The following PTPRK variants were observed in gnomAD, a reference collection of about 807,000 sequenced individuals.
PTPRK encodes protein tyrosine phosphatase receptor type K.
PTPRK carries 75 observed loss-of-function variants against 178.0 expected under a neutral mutation model. The ratio of observed to expected loss-of-function variants is 0.42; its 90% CI spans 0.35 to 0.51. PTPRK has a LOEUF of 0.51. Among genes scored for constraint, PTPRK ranks in the 20% least tolerant of loss-of-function variants. The probability of loss-of-function intolerance (pLI) is 0.02; values close to 1 mark genes in which losing one functional copy is unlikely to be tolerated. For missense variants in PTPRK, 1,441 were observed against 1,797.8 expected, an observed-to-expected ratio of 0.80 and a Z score of 3.59; for synonymous variants, 637 against 620.6, an observed-to-expected ratio of 1.03 and a Z score of -0.39.
rs200132117 is a variant in PTPRK at position 128,148,783 on chromosome 6, T to TA, written c.1162+35648dup. ...TTTTAGAGTTATCAAAATACAAAAA[T>TA]AAAAAAAATTTCTGCTTAAAAATGA... On this transcript the variant is annotated intron_variant, in intron 7 of 29. Transcript: ENST00000368226. 3.5e-3 allele frequency among the ~76,000 whole-genome samples: 534 copies of TA among 152,104 alleles called. 4 individuals are homozygous for TA. The highest frequency in any genetic ancestry group is 0.012 in the African/African-American group (508 of 41,536).
intron 6 of PTPRK, among the ~76,000 whole-genome samples, chr6:128,211,541 A>AT (rs1479288793): frequency 2.6e-5 from 4 of 152,058 alleles, no homozygotes; most frequent in Admixed American, 6.6e-5. Flanking sequence ...ATAATTACAT[A>AT]TTATTATTTG....
chr6:128,398,281 C>G (rs1376985010), intron 1 of PTPRK, among the ~76,000 whole-genome samples: 1 of 152,142 alleles, frequency 6.6e-6, no homozygotes, highest in Admixed American at 6.5e-5. Context: ...CTTTCTGCAA[C>G]CAATCAGAGG....
chr6:128,397,607 C>G lies in PTPRK; in HGVS notation c.182G>C (p.Ser61Thr), dbSNP rs1170785121. The G allele has an allele frequency of 6.2e-7, 1 of 1,613,908 alleles. No individual in the cohort carries two copies. Among genetic ancestry groups the G allele is most frequent in the Non-Finnish European group, 8.5e-7 (1 of 1,179,910 alleles). ...LYDDFEWVHV[S>T]AQEPHYLPPE... ...TGGTAGATAATGAGGCTCTTGAGCA[C>G]TAACATGCACCCATTCAAAGTCATC... Residue 61 changes from serine (S) to threonine (T), a missense_variant, in exon 2 of 30, where the codon AGT becomes ACT. By Grantham distance (58) the Ser-to-Thr change is moderately conservative. Coordinates refer to ENST00000368226, the MANE Select transcript of PTPRK (RefSeq NM_002844.4).
At chr6:128,324,008 G>A (rs1270439124) in intron 2 of PTPRK, among the ~76,000 whole-genome samples, 1 of 152,110 alleles carries the variant, frequency 6.6e-6, no homozygotes, top group Non-Finnish European at 1.5e-5. Flanking sequence ...ACATTCTGAA[G>A]TCAATGGTTG....
intron 1 of PTPRK, among the ~76,000 whole-genome samples, chr6:128,440,638 T>A (rs1165768176): frequency 6.6e-6 from 1 of 152,190 alleles, no homozygotes; most frequent in Non-Finnish European, 1.5e-5. Context: ...AAGAAATATA[T>A]GTCATTTCTC....
intron 2 of PTPRK, among the ~76,000 whole-genome samples, chr6:128,355,827 A>G (rs1833882988): frequency 1.3e-5 from 2 of 152,186 alleles, no homozygotes; most frequent in Admixed American, 6.5e-5. Flanking sequence ...AAAATAAACA[A>G]AAAGAAATTC....
chr6:127,995,249 A>G, intron 18 of PTPRK: 1 of 1,603,148 alleles, frequency 6.2e-7, no homozygotes, highest in Non-Finnish European at 8.5e-7. Context: ...TGGTACTTAC[A>G]TCCCTGTACA....
At chr6:128,166,229 A>C (rs951306662) in intron 7 of PTPRK, among the ~76,000 whole-genome samples, 1 of 151,746 alleles carries the variant, frequency 6.6e-6, no homozygotes, top group Non-Finnish European at 1.5e-5. Context: ...CCTTGAACCA[A>C]GCATAATCCC....
At chr6:128,210,707 T>TC (rs1201668337) in intron 6 of PTPRK, among the ~76,000 whole-genome samples, 1 of 151,872 alleles carries the variant, frequency 6.6e-6, no homozygotes, top group East Asian at 1.9e-4. Flanking sequence ...TGATTTTTTT[T>TC]CCCCCTTAAT....
chr6:128,383,869 G>GA (rs1286729713), intron 2 of PTPRK, among the ~76,000 whole-genome samples: 2 of 151,928 alleles, frequency 1.3e-5, no homozygotes, highest in Non-Finnish European at 2.9e-5. Flanking sequence ...ATTACATTCA[G>GA]AAAAAATATT....
intron 2 of PTPRK, among the ~76,000 whole-genome samples, chr6:128,330,646 G>C (rs988506550): frequency 1.3e-5 from 2 of 152,138 alleles, no homozygotes; most frequent in African/African-American, 2.4e-5. Context: ...TTCCACACTA[G>C]CAGCCCTACA....
intron 2 of PTPRK, among the ~76,000 whole-genome samples, chr6:128,363,621 T>C (rs1835071509): frequency 6.6e-6 from 1 of 152,158 alleles, no homozygotes; most frequent in Admixed American, 6.6e-5. Flanking sequence ...GCTCATAAAC[T>C]GCAGTCTCAC....
intron 1 of PTPRK, among the ~76,000 whole-genome samples, chr6:128,452,689 G>A (rs1371663940): frequency 1.3e-5 from 2 of 152,044 alleles, no homozygotes; most frequent in African/African-American, 4.8e-5. Context: ...CCAACACCAG[G>A]GAGGAACTGA....
intron 7 of PTPRK, among the ~76,000 whole-genome samples, chr6:128,147,987 G>GAA (rs11431379): frequency 2.7e-5 from 4 of 150,804 alleles, no homozygotes; most frequent in African/African-American, 7.3e-5. Context: ...ATGTGATGGA[G>GAA]AAAAAAAAAC....
At chr6:128,073,882 GT>G (rs892149997) in intron 11 of PTPRK, among the ~76,000 whole-genome samples, 4 of 152,012 alleles carry the variant, frequency 2.6e-5, no homozygotes, top group African/African-American at 9.7e-5. Flanking sequence ...TTTCAAGATG[GT>G]TTTATTTGGA....
chr6:128,194,090 A>T (rs1208786487), intron 6 of PTPRK, among the ~76,000 whole-genome samples: 1 of 146,968 alleles, frequency 6.8e-6, no homozygotes, highest in Non-Finnish European at 1.5e-5. Flanking sequence ...TATTATTATT[A>T]TTATTATTAT....
At chr6:128,407,513 C>T (rs771512533) in intron 1 of PTPRK, among the ~76,000 whole-genome samples, 1 of 151,508 alleles carries the variant, frequency 6.6e-6, no homozygotes. Flanking sequence ...GTGGCATACA[C>T]CTGTAGTCCC....
intron 1 of PTPRK, among the ~76,000 whole-genome samples, chr6:128,421,634 A>C (rs1005180495): frequency 6.6e-6 from 1 of 152,186 alleles, no homozygotes; most frequent in Non-Finnish European, 1.5e-5. Context: ...CAGTAACTAC[A>C]CAAGAGAACA....
intron 3 of PTPRK, 105 bp downstream of exon 3, chr6:128,321,934 G>A (rs1828852427): frequency 6.8e-7 from 1 of 1,467,830 alleles, no homozygotes; most frequent in Non-Finnish European, 9.4e-7. Flanking sequence ...GGAGGCAAGA[G>A]GGCAATCTCT....
Sources: allele counts gnomAD v4.1 joint callset (sites outside exome capture counted in the v4.1 genomes callset), GRCh38; gene constraint gnomAD v4.1.1; transcripts MANE v1.5; gene names NCBI Gene and HGNC (gene_info 2026-07-23, HGNC 2026-07-21).